Variants in FAM228B observed in about 807,000 individuals in gnomAD.
The protein encoded by FAM228B is family with sequence similarity 228 member B, also known as protein FAM228B.
A neutral mutation model predicts 42.6 loss-of-function variants in FAM228B; 38 were observed. That is an observed-to-expected ratio of 0.89 (90% CI 0.69 to 1.17). The LOEUF is 1.17. FAM228B is among the 50% of genes most tolerant of loss of function. The pLI is 0.00. For missense variants in FAM228B, 344 were observed against 367.3 expected (o/e 0.94, Z 0.52); for synonymous variants, 109 against 122.3 (o/e 0.89, Z 0.72).
In FAM228B at chr2:24,077,509, T is replaced by C. The variant is rs1664801947; in HGVS notation, c.-290+540T>C. On this transcript the variant is annotated intron_variant, in intron 1 of 10. Transcript: ENST00000613899. This position sits in a 1 kb window ranked among gnomAD's most constrained non-coding sequence, Gnocchi z 5.5. ...AGCACCGGGTTTCTTGGCCTGTCTA[T>C]TGTGAATCTTCTCCAGGTTTGCTCT... 3 of 1,502,320 alleles carry C rather than the reference T, an allele frequency of 2.0e-6. No homozygotes were observed. Among genetic ancestry groups the C allele is most frequent in the Non-Finnish European group, 1.8e-6 (2 of 1,119,182 alleles). 93.1% of individuals were successfully genotyped at this position (1,502,320 alleles called of 1,614,324 possible).
At chr2:24,081,519 C>G (rs571240279) in intron 2 of FAM228B, among the ~76,000 whole-genome samples, 1 of 152,294 alleles carries the variant, frequency 6.6e-6, no homozygotes, top group African/African-American at 2.4e-5. Context: ...ATGGCACTTG[C>G]ATTATGTTAC....
intron 3 of FAM228B, among the ~76,000 whole-genome samples, chr2:24,116,484 G>A (rs1665920554): frequency 6.6e-6 from 1 of 152,082 alleles, no homozygotes; most frequent in Admixed American, 6.6e-5. Flanking sequence ...ACTCCACCAT[G>A]CCAGGTAGCA....
At chr2:24,158,853 C>T (rs775893327) in intron 7 of FAM228B, among the ~76,000 whole-genome samples, 1 of 152,188 alleles carries the variant, frequency 6.6e-6, no homozygotes, top group East Asian at 1.9e-4. Context: ...TAACAAAGCA[C>T]TGCAAACTGA....
chr2:24,096,265 G>A (rs774680170), intron 3 of FAM228B: 3 of 152,218 alleles, frequency 2.0e-5, no homozygotes, highest in Non-Finnish European at 4.4e-5. Context: ...AAGAGACAAA[G>A]CTGGATGGAG....
intron 2 of FAM228B, among the ~76,000 whole-genome samples, chr2:24,082,671 A>G (rs1288747717): frequency 1.3e-5 from 2 of 152,162 alleles, no homozygotes; most frequent in African/African-American, 4.8e-5. Flanking sequence ...TAACATGTAC[A>G]TAGGCCTCCT....
In FAM228B at chr2:24,161,562, G is replaced by C. The variant is rs1305164002; in HGVS notation, c.743G>C (p.Arg248Thr). 1.3e-6 allele frequency: 2 copies of C among 1,548,298 alleles called. No individual in the cohort carries two copies. The highest frequency in any genetic ancestry group is 2.7e-5 in the African/African-American group (2 of 73,010). ...AGTTTTGATTTGAAACCTTTGGCAAGAGCTCCTTATCTTTTGGAATCCCAG... is the reference window on the plus strand; with the variant it reads ...AGTTTTGATTTGAAACCTTTGGCAACAGCTCCTTATCTTTTGGAATCCCAG... The part of the protein sequence containing the change: ...DCSFDLKPLA[R>T]APYLLESQEE... Residue 248 changes from arginine (R) to threonine (T), a missense_variant, in exon 8 of 11, where the codon AGA (arginine) becomes ACA (threonine). Coordinates refer to ENST00000615575, the MANE Select transcript of FAM228B (RefSeq NM_001145710.2).
chr2:24,113,244 T>C (rs1665828008), intron 3 of FAM228B, among the ~76,000 whole-genome samples: 1 of 152,202 alleles, frequency 6.6e-6, no homozygotes, highest in Non-Finnish European at 1.5e-5. Flanking sequence ...GAATGCTAAA[T>C]AAGTTAATTT....
intron 1 of FAM228B, chr2:24,079,550 A>G (rs1351772553): frequency 6.2e-7 from 1 of 1,614,168 alleles, no homozygotes; most frequent in Non-Finnish European, 8.5e-7. Flanking sequence ...CAGACCATAG[A>G]GAACCCATCG....
At chr2:24,133,053 ACT>A (rs1478606311) in intron 2 of FAM228B, among the ~76,000 whole-genome samples, 1 of 151,612 alleles carries the variant, frequency 6.6e-6, no homozygotes, top group Non-Finnish European at 1.5e-5. Flanking sequence ...CTTACCCCAA[ACT>A]CTGTCTTCTA....
chr2:24,158,085 T>G (rs1020652864), intron 7 of FAM228B, among the ~76,000 whole-genome samples: 5 of 151,900 alleles, frequency 3.3e-5, no homozygotes, highest in African/African-American at 1.2e-4. Context: ...CATACAAGAT[T>G]GGGCTGATTT....
chr2:24,113,901 C>A (rs1219616201), intron 3 of FAM228B, among the ~76,000 whole-genome samples: 1 of 151,782 alleles, frequency 6.6e-6, no homozygotes, highest in Non-Finnish European at 1.5e-5. Context: ...ACAACAAAAC[C>A]CCCAAAAGAA....
At chr2:24,114,625 C>CT (rs1189176197) in intron 3 of FAM228B, among the ~76,000 whole-genome samples, 5 of 152,024 alleles carry the variant, frequency 3.3e-5, no homozygotes, top group Non-Finnish European at 7.4e-5. Flanking sequence ...CCTAGGCTGT[C>CT]TTTTTTTAAG....
intron 7 of FAM228B, among the ~76,000 whole-genome samples, chr2:24,159,718 C>G (rs188429894): frequency 6.7e-4 from 102 of 152,212 alleles, no homozygotes; most frequent in Non-Finnish European, 1.3e-3. Context: ...GATCATTTTC[C>G]TTTTTTCTGA....
chr2:24,126,677 C>G (rs1666316881), intron 2 of FAM228B, among the ~76,000 whole-genome samples: 1 of 150,608 alleles, frequency 6.6e-6, no homozygotes, highest in African/African-American at 2.4e-5. Flanking sequence ...GTGGCGTGAT[C>G]TCAGCTCACT....
chr2:24,141,626 C>T (rs1666750024), intron 5 of FAM228B, among the ~76,000 whole-genome samples: 1 of 152,184 alleles, frequency 6.6e-6, no homozygotes, highest in Non-Finnish European at 1.5e-5. Context: ...GATCCGCCCG[C>T]CTTGGCCTCC....
intron 3 of FAM228B, among the ~76,000 whole-genome samples, chr2:24,108,718 G>A (rs1352379390): frequency 1.3e-5 from 2 of 151,824 alleles, no homozygotes; most frequent in South Asian, 2.1e-4. Context: ...TAGCTAACAC[G>A]GTGAAACCCT....
At position 24,147,050 on chromosome 2, in the gene FAM228B, C is replaced by T. The variant is rs1474616124; in HGVS notation, c.650C>T (p.Thr217Ile). 6.4e-7 allele frequency: 1 copy of T among 1,550,874 alleles called. No individual in the cohort carries two copies. Among genetic ancestry groups the T allele is most frequent in the African/African-American group, 1.4e-5 (1 of 72,958 alleles). The change falls in exon 7 of 11, where the codon ACA (threonine) becomes ATA (isoleucine). Residue 217 changes from threonine (T) to isoleucine (I), a missense_variant. Transcript: ENST00000615575. The stretch of plus-strand genomic sequence containing the variant: ...CCAAACGAGTGGCTGAAACTGCCTA[C>T]AAGATACATAGAAAGTGAATTTTGT... ...ITPNEWLKLP[T>I]RYIESEFCRR...
chr2:24,161,388 G>T, intron 7 of FAM228B, 118 bp from the exon 8 acceptor site: 1 of 630,020 alleles, frequency 1.6e-6, no homozygotes. Context: ...GGAGGTTGAG[G>T]CTGCAGTGAG....
At chr2:24,166,948 G>A (rs959407779) in intron 9 of FAM228B, among the ~76,000 whole-genome samples, 2 of 152,158 alleles carry the variant, frequency 1.3e-5, no homozygotes, top group East Asian at 1.9e-4. Flanking sequence ...GATAGTGAGT[G>A]CTGAGAGAGG....
Sources: gnomAD v4.1 joint callset for allele counts (sites outside exome capture counted in the v4.1 genomes callset) on GRCh38, gnomAD v4.1.1 for gene constraint, Gnocchi (gnomAD v3.1) non-coding constraint, MANE v1.5 for transcripts, NCBI Gene and HGNC (gene_info 2026-07-23, HGNC 2026-07-21) for gene names.